CCDC25: variants seen among roughly 807,000 people sequenced by gnomAD.
CCDC25 encodes coiled-coil domain containing 25, also known as coiled-coil domain-containing protein 25.
A neutral mutation model predicts 35.3 loss-of-function variants in CCDC25; 16 were observed. The ratio of observed to expected loss-of-function variants is 0.45; its 90% CI spans 0.31 to 0.69. The LOEUF (loss-of-function observed/expected upper bound fraction) is 0.69, where lower values mean the gene tolerates loss of function less well. Among genes scored for constraint, CCDC25 ranks in the 30% least tolerant of loss-of-function variants. The pLI is 0.06. For synonymous variants in CCDC25, 79 were observed against 80.3 expected (o/e 0.98, Z 0.09); for missense variants, 179 against 250.7 (o/e 0.71, Z 1.93).
intron 3 of CCDC25, among the ~76,000 whole-genome samples, chr8:27,762,200 C>G (rs1254893658): frequency 6.6e-6 from 1 of 152,162 alleles, no homozygotes; most frequent in Non-Finnish European, 1.5e-5. Context: ...AAAAAGAAGG[C>G]CTGTGTCCTA....
In CCDC25 at chr8:27,737,424, G is replaced by C. The variant is rs1220333498; in HGVS notation, c.598-1179C>G. 6.6e-6 allele frequency among the ~76,000 whole-genome samples: 1 copy of C among 152,202 alleles called. No homozygotes were observed. The highest frequency in any genetic ancestry group is 2.4e-5 in the African/African-American group (1 of 41,452). On this transcript the variant is annotated intron_variant, in intron 8 of 8. Coordinates refer to ENST00000356537, the MANE Select transcript of CCDC25 (RefSeq NM_018246.3). This position sits in a 1 kb window ranked among gnomAD's most constrained non-coding sequence, Gnocchi z 4.6. ...AAGTAAGCCATTCCCTATAAAGGCT[G>C]TGAGTTAGATGTGCAGAGTCCCCAC... is the stretch of plus-strand genomic sequence containing the variant.
In CCDC25 at chr8:27,753,237, C is replaced by T. The variant is rs117951622; in HGVS notation, c.169-650G>A. Among the ~76,000 whole-genome samples the T allele has an allele frequency of 3.9e-5, 6 of 152,280 alleles. No homozygotes were observed. In the East Asian group the frequency reaches 7.7e-4, roughly 20 times the overall value. On this transcript the variant is annotated intron_variant, in intron 4 of 8. Coordinates refer to ENST00000356537, the MANE Select transcript of CCDC25 (RefSeq NM_018246.3). The stretch of plus-strand genomic sequence containing the variant: ...CAGTTAAGTAACTTGCTCAGAGTCA[C>T]GTGGTGAGTAAGCAGCAGAACCAGA...
chr8:27,772,395 G>A (rs1804659725), intron 1 of CCDC25, 118 bp downstream of exon 1: 7 of 977,582 alleles, frequency 7.2e-6, no homozygotes, highest in Non-Finnish European at 1.1e-5. Context: ...GCCGCGGGAA[G>A]AGGCACTCGC....
intron 1 of CCDC25, among the ~76,000 whole-genome samples, chr8:27,766,217 A>G (rs989698120): frequency 6.6e-6 from 1 of 152,238 alleles, no homozygotes; most frequent in African/African-American, 2.4e-5. Flanking sequence ...ACACTGAAGC[A>G]AAGTACTGAT....
chr8:27,760,127 G>A (rs943074246), intron 3 of CCDC25, among the ~76,000 whole-genome samples: 1 of 152,154 alleles, frequency 6.6e-6, no homozygotes, highest in Non-Finnish European at 1.5e-5. Flanking sequence ...ACTACTAAAG[G>A]GGGTCGAAAT....
At chr8:27,739,737 G>A (rs1270596270) in intron 8 of CCDC25, among the ~76,000 whole-genome samples, 1 of 152,044 alleles carries the variant, frequency 6.6e-6, no homozygotes, top group Non-Finnish European at 1.5e-5. Flanking sequence ...GAATACTGAA[G>A]GATGACTATA....
At position 27,733,956 on chromosome 8, in the gene CCDC25, T is replaced by C. The variant is rs903581463; in HGVS notation, c.*2260A>G. ...TGCTGTGTGTATGGCTCACACCATC[T>C]TTCCTGAGTGGGGAAAACCGCTGGC... On this transcript the variant is annotated 3_prime_UTR_variant, in exon 9 of 9. Coordinates refer to ENST00000356537, the MANE Select transcript of CCDC25 (RefSeq NM_018246.3). The C allele has an allele frequency of 1.3e-5, 2 of 152,170 alleles. No individual in the cohort carries two copies. The highest frequency in any genetic ancestry group is 6.5e-5 in the Admixed American group (1 of 15,288). The allele number at this position is 152,170 out of a possible 1,614,324, so 9.4% of individuals were successfully genotyped here. A position where few individuals can be genotyped will look rare whatever the true frequency, so the allele number is the denominator to read the frequency against.
chr8:27,769,939 C>T (rs970870386), intron 1 of CCDC25, among the ~76,000 whole-genome samples: 1 of 152,162 alleles, frequency 6.6e-6, no homozygotes, highest in Non-Finnish European at 1.5e-5. Flanking sequence ...GTAAGGAGTT[C>T]GAGACTAGCC....
chr8:27,767,774 C>T (rs1353996952), intron 1 of CCDC25, among the ~76,000 whole-genome samples: 1 of 152,028 alleles, frequency 6.6e-6, no homozygotes, highest in African/African-American at 2.4e-5. Context: ...AAGAGAATGC[C>T]CTTGATTTTA....
At chr8:27,750,678 G>A (rs140074179) in intron 5 of CCDC25, among the ~76,000 whole-genome samples, 1 of 152,270 alleles carries the variant, frequency 6.6e-6, no homozygotes, top group African/African-American at 2.4e-5. Flanking sequence ...CTTAAATGCT[G>A]GTTTCAGAAG....
intron 1 of CCDC25, chr8:27,772,168 A>C (rs535474499): frequency 1.8e-5 from 7 of 397,072 alleles, no homozygotes; most frequent in Non-Finnish European, 2.8e-5. Flanking sequence ...CGCAGATGGA[A>C]GGTGGGAAGA....
chr8:27,750,761 T>C (rs1803771758), intron 5 of CCDC25, among the ~76,000 whole-genome samples: 1 of 152,176 alleles, frequency 6.6e-6, no homozygotes, highest in Non-Finnish European at 1.5e-5. Flanking sequence ...TCTGGAAAGA[T>C]TCACTGGGTG....
chr8:27,747,128 A>G (rs969780438), intron 7 of CCDC25, among the ~76,000 whole-genome samples: 5 of 152,232 alleles, frequency 3.3e-5, no homozygotes, highest in Admixed American at 6.5e-5. Flanking sequence ...ACAGCACTGT[A>G]TGGCAGAACA....
intron 1 of CCDC25, among the ~76,000 whole-genome samples, chr8:27,767,707 A>C (rs1804446316): frequency 6.6e-6 from 1 of 152,234 alleles, no homozygotes. Flanking sequence ...TTGATTAGAT[A>C]ATCGCATTGC....
chr8:27,763,472 C>CT (rs1804293940), intron 2 of CCDC25, among the ~76,000 whole-genome samples: 1 of 152,186 alleles, frequency 6.6e-6, no homozygotes, highest in Admixed American at 6.5e-5. Flanking sequence ...AATCCCAGCA[C>CT]TTTGGGAGGC....
At chr8:27,743,975 A>G (rs1013829683) in intron 7 of CCDC25, among the ~76,000 whole-genome samples, 2 of 152,328 alleles carry the variant, frequency 1.3e-5, no homozygotes, top group African/African-American at 4.8e-5. Context: ...GACAGCTTAG[A>G]AAGGGGGACT....
Position 27,734,609 on chromosome 8 carries a change from G to A in CCDC25, c.*1607C>T, listed in dbSNP as rs573787814. 8.8e-4 allele frequency: 106 copies of A among 120,546 alleles called. No homozygotes were observed. Among genetic ancestry groups the A allele is most frequent in the African/African-American group, 3.1e-3 (105 of 33,380 alleles). 7.5% of individuals were successfully genotyped at this position (120,546 alleles called of 1,614,324 possible). A position where few individuals can be genotyped will look rare whatever the true frequency, so the allele number is the denominator to read the frequency against. On this transcript the variant is annotated 3_prime_UTR_variant, in exon 9 of 9. Transcript: ENST00000356537. ...CAACACAGAGCTATGAATTCAACAA[G>A]AGAATTCAGCAGAGACCTGGACATT...
At chr8:27,754,450 A>G (rs1298098248) in intron 4 of CCDC25, 2 of 152,246 alleles carry the variant, frequency 1.3e-5, no homozygotes, top group African/African-American at 4.8e-5. Flanking sequence ...AGGGGTGGGG[A>G]AAAAAAGTAG....
chr8:27,749,818 G>A (rs7013429), intron 5 of CCDC25, among the ~76,000 whole-genome samples: 64,367 of 151,666 alleles, frequency 0.42, 13,872 homozygotes, highest in East Asian at 0.63. Context: ...ATGTTCTTCA[G>A]AAGGACATGT....
Sources: allele counts gnomAD v4.1 joint callset (sites outside exome capture counted in the v4.1 genomes callset), GRCh38; gene constraint gnomAD v4.1.1; non-coding constraint Gnocchi (gnomAD v3.1); transcripts MANE v1.5; gene names NCBI Gene and HGNC (gene_info 2026-07-23, HGNC 2026-07-21).